BRINP1: variants seen among roughly 807,000 people sequenced by gnomAD.
BRINP1 encodes BMP/retinoic acid inducible neural specific 1, also known as BMP/retinoic acid-inducible neural-specific protein 1.
A neutral mutation model predicts 72.9 loss-of-function variants in BRINP1; 17 were observed. That is an observed-to-expected ratio of 0.23 (90% CI 0.16 to 0.35). The LOEUF (loss-of-function observed/expected upper bound fraction) is 0.35. Ranked by LOEUF, BRINP1 falls within the 10% of genes least tolerant of loss-of-function variation. The pLI, the probability that BRINP1 is intolerant of heterozygous loss-of-function variation, is 1.00. For missense variants in BRINP1, 850 were observed against 1,001.6 expected, an observed-to-expected ratio of 0.85 and a Z score of 2.04; for synonymous variants, 418 against 378.5, an observed-to-expected ratio of 1.10 and a Z score of -1.21.
At chr9:119,356,889 A>G (rs1038609492) in intron 1 of BRINP1, among the ~76,000 whole-genome samples, 1 of 152,186 alleles carries the variant, frequency 6.6e-6, no homozygotes, top group African/African-American at 2.4e-5. Flanking sequence ...ATTTCCACCA[A>G]TGCTGTGTGA....
At chr9:119,259,040 G>A (rs1830472387) in intron 2 of BRINP1, among the ~76,000 whole-genome samples, 1 of 152,146 alleles carries the variant, frequency 6.6e-6, no homozygotes, top group Admixed American at 6.6e-5. Flanking sequence ...ACCCTGCCAG[G>A]AGTCTCCACA....
intron 7 of BRINP1, among the ~76,000 whole-genome samples, chr9:119,188,120 A>AT (rs1829643872): frequency 6.6e-6 from 1 of 152,206 alleles, no homozygotes; most frequent in Non-Finnish European, 1.5e-5. Flanking sequence ...GAGGAATAAT[A>AT]GATGAAGAAA....
intron 7 of BRINP1, among the ~76,000 whole-genome samples, chr9:119,182,469 A>G (rs1829568424): frequency 6.6e-6 from 1 of 152,210 alleles, no homozygotes; most frequent in Non-Finnish European, 1.5e-5. Context: ...CCCCTCCCCC[A>G]AATTTGTATG....
intron 7 of BRINP1, among the ~76,000 whole-genome samples, chr9:119,189,435 G>C (rs1829660403): frequency 2.0e-5 from 3 of 152,080 alleles, no homozygotes; most frequent in Non-Finnish European, 4.4e-5. Flanking sequence ...ACCCATTTTA[G>C]CTTAAAGGAC....
chr9:119,189,124 A>G (rs1011722240), intron 7 of BRINP1, among the ~76,000 whole-genome samples: 4 of 152,156 alleles, frequency 2.6e-5, no homozygotes, highest in African/African-American at 2.4e-5. Flanking sequence ...TATTATAACT[A>G]CAAAATATCT....
At chr9:119,339,169 G>A (rs908360413) in intron 1 of BRINP1, among the ~76,000 whole-genome samples, 1 of 152,200 alleles carries the variant, frequency 6.6e-6, no homozygotes, top group African/African-American at 2.4e-5. Flanking sequence ...ATGGGCCACA[G>A]TGTCTCTATC....
chr9:119,226,099 A>T lies in BRINP1; in HGVS notation c.686-11944T>A, dbSNP rs13285149. 7.8e-3 allele frequency among the ~76,000 whole-genome samples: 1,186 copies of T among 152,146 alleles called. 5 individuals are homozygous for T. The highest frequency in any genetic ancestry group is 0.013 in the Non-Finnish European group (859 of 67,964). On this transcript the variant is annotated intron_variant, in intron 5 of 7. Coordinates refer to ENST00000265922, the MANE Select transcript of BRINP1 (RefSeq NM_014618.3). The stretch of plus-strand genomic sequence containing the variant: ...TGTACAATTGTACACATAAGACAAG[A>T]CAGAATGTATCTGGAATATAATAGA...
chr9:119,309,521 AT>A (rs1322268115), intron 2 of BRINP1, among the ~76,000 whole-genome samples: 1 of 152,214 alleles, frequency 6.6e-6, no homozygotes, highest in African/African-American at 2.4e-5. Flanking sequence ...TAATATATGT[AT>A]AGTCTTAACA....
In BRINP1 at chr9:119,249,003, G is replaced by A. The variant is rs1394525403; in HGVS notation, c.366C>T (p.Ile122=). 1.2e-6 allele frequency: 2 copies of A among 1,613,890 alleles called. No homozygotes were observed. The highest frequency in any genetic ancestry group is 2.7e-5 in the African/African-American group (2 of 74,928). ...PTTQQFIDTI[I]KKYGTHLLIS... is the part of the protein sequence containing the mutation. ...TGAGCAGGTGGGTGCCGTACTTTTT[G>A]ATGATGGTATCGATGAACTGCTGAG... Residue 122 remains isoleucine (I), a synonymous_variant, in exon 3 of 8, where the codon ATC becomes ATT. Transcript: ENST00000265922.
intron 1 of BRINP1, among the ~76,000 whole-genome samples, chr9:119,353,702 C>T (rs1478493377): frequency 1.3e-5 from 2 of 152,014 alleles, no homozygotes; most frequent in African/African-American, 4.8e-5. Flanking sequence ...TAATTGAGGG[C>T]CTTCTACACC....
intron 7 of BRINP1, among the ~76,000 whole-genome samples, chr9:119,200,279 G>C (rs1395297973): frequency 2.6e-5 from 4 of 152,122 alleles, no homozygotes; most frequent in African/African-American, 9.7e-5. Flanking sequence ...ATGTATGTGT[G>C]CGCTGATAGT....
chr9:119,211,204 ATTTATTTT>A (rs1204290709), intron 6 of BRINP1, among the ~76,000 whole-genome samples: 2 of 150,100 alleles, frequency 1.3e-5, no homozygotes, highest in South Asian at 2.1e-4. Context: ...TTATTTATTT[ATTTATTTT>A]TTGAGACACA....
rs745883942 is a variant in BRINP1, at chr9:119,167,512, G to A, written c.1858C>T (p.Arg620Cys). ...AGGGTAGGTAGCCGAGTCCGACTACGTAGGTAGATGTGGACCGTCTCGAAA... is the reference window on the plus strand; with the variant it reads ...AGGGTAGGTAGCCGAGTCCGACTACATAGGTAGATGTGGACCGTCTCGAAA... Reference protein sequence around the residue: ...TFFETVHIYLRSRTRLPTLLR... With the variant: ...TFFETVHIYLCSRTRLPTLLR... The change falls in exon 8 of 8, where the codon CGT becomes TGT. Residue 620 changes from arginine to cysteine, a missense_variant. Transcript: ENST00000265922. This position sits in a 1 kb window ranked among gnomAD's most constrained non-coding sequence, Gnocchi z 4.3. 1 of 1,614,136 alleles carries A rather than the reference G, an allele frequency of 6.2e-7. No individual in the cohort carries two copies. Among genetic ancestry groups the A allele is most frequent in the Non-Finnish European group, 8.5e-7 (1 of 1,180,008 alleles).
intron 1 of BRINP1, among the ~76,000 whole-genome samples, chr9:119,324,164 G>A (rs1030145595): frequency 5.3e-5 from 8 of 151,948 alleles, no homozygotes; most frequent in Admixed American, 1.3e-4. Flanking sequence ...CAGTACAAAC[G>A]TCCAATTAAT....
chr9:119,212,729 A>G (rs1174024555), intron 6 of BRINP1, among the ~76,000 whole-genome samples: 1 of 152,202 alleles, frequency 6.6e-6, no homozygotes, highest in Admixed American at 6.5e-5. Context: ...AGCACATATT[A>G]TATGTTAAGT....
intron 2 of BRINP1, among the ~76,000 whole-genome samples, chr9:119,296,425 A>G (rs1830878420): frequency 6.6e-6 from 1 of 152,208 alleles, no homozygotes; most frequent in Non-Finnish European, 1.5e-5. Context: ...ATGCAAATTT[A>G]TACAGCCATT....
chr9:119,185,900 AGT>A (rs1217424429), intron 7 of BRINP1, among the ~76,000 whole-genome samples: 15 of 152,182 alleles, frequency 9.9e-5, no homozygotes, highest in African/African-American at 3.4e-4. Context: ...GCCCTGCTAG[AGT>A]GTGTTTTTCT....
chr9:119,341,003 C>T (rs1236782731), intron 1 of BRINP1, among the ~76,000 whole-genome samples: 2 of 152,200 alleles, frequency 1.3e-5, no homozygotes, highest in African/African-American at 4.8e-5. Flanking sequence ...CCCTGGCTCT[C>T]TTCTAAGGGT....
At chr9:119,186,265 G>A (rs1013778365) in intron 7 of BRINP1, among the ~76,000 whole-genome samples, 1 of 152,124 alleles carries the variant, frequency 6.6e-6, no homozygotes, top group East Asian at 1.9e-4. Context: ...TGAAGCTTTG[G>A]CCAGGGAACA....
Sources: gnomAD v4.1 joint callset for allele counts (sites outside exome capture counted in the v4.1 genomes callset) on GRCh38, gnomAD v4.1.1 for gene constraint, Gnocchi (gnomAD v3.1) non-coding constraint, MANE v1.5 for transcripts, NCBI Gene and HGNC (gene_info 2026-07-23, HGNC 2026-07-21) for gene names.